Variants in BTBD9 observed in about 807,000 individuals in gnomAD.
BTBD9 encodes BTB/POZ domain-containing protein 9.
A neutral mutation model predicts 64.3 loss-of-function variants in BTBD9; 49 were observed. The ratio of observed to expected loss-of-function variants is 0.76; its 90% confidence interval spans 0.61 to 0.97. The LOEUF is 0.97. Ranked by LOEUF, BTBD9 falls within the 50% of genes least tolerant of loss-of-function variation. The pLI is 0.00. For synonymous variants in BTBD9, 260 were observed against 274.7 expected, an observed-to-expected ratio of 0.95 and a Z score of 0.53; for missense variants, 598 against 762.1, an observed-to-expected ratio of 0.78 and a Z score of 2.53.
chr6:38,527,263 C>CAAAAAAAAAAAAAAAAAA (rs55979438), intron 6 of BTBD9, among the ~76,000 whole-genome samples: 5 of 53,338 alleles, frequency 9.4e-5, no homozygotes, highest in African/African-American at 4.4e-4. Context: ...GACTCTGTCT[C>CAAAAAAAAAAAAAAAAAA]AAAAAAAAAA....
intron 6 of BTBD9, among the ~76,000 whole-genome samples, chr6:38,568,981 T>C (rs976659852): frequency 6.6e-6 from 1 of 152,216 alleles, no homozygotes; most frequent in Non-Finnish European, 1.5e-5. Flanking sequence ...GTATGTTCTC[T>C]GAGCTTAGGG....
At chr6:38,195,181 G>A (rs953835045) in intron 9 of BTBD9, among the ~76,000 whole-genome samples, 4 of 152,158 alleles carry the variant, frequency 2.6e-5, no homozygotes, top group African/African-American at 9.7e-5. Flanking sequence ...TGACAAGGTG[G>A]CACCAGAGTG....
At chr6:38,331,496 G>C (rs896393143) in intron 7 of BTBD9, among the ~76,000 whole-genome samples, 8 of 151,974 alleles carry the variant, frequency 5.3e-5, no homozygotes, top group Non-Finnish European at 1.0e-4. Flanking sequence ...AAAAAGAGGG[G>C]GGGCCAAGAA....
intron 4 of BTBD9, among the ~76,000 whole-genome samples, chr6:38,580,914 G>A (rs1018717812): frequency 1.4e-5 from 2 of 146,784 alleles, no homozygotes; most frequent in East Asian, 2.0e-4. Context: ...CTAAACAGGC[G>A]GGGTGCAGTG....
intron 10 of BTBD9, among the ~76,000 whole-genome samples, chr6:38,189,840 A>C (rs778943148): frequency 2.0e-5 from 3 of 151,942 alleles, no homozygotes; most frequent in Non-Finnish European, 4.4e-5. Flanking sequence ...TGTCCAGCTA[A>C]TTTTTGTATT....
chr6:38,212,238 C>T (rs1762858903), intron 9 of BTBD9, among the ~76,000 whole-genome samples: 1 of 152,172 alleles, frequency 6.6e-6, no homozygotes, highest in Admixed American at 6.5e-5. Flanking sequence ...ACTCCCATTC[C>T]TCAGCGATGG....
At position 38,192,880 on chromosome 6, in the gene BTBD9, A is replaced by C. The variant is rs1467507495; in HGVS notation, c.1563-283T>G. Reference sequence around the variant, plus strand: ...CAAAGCCCTCCATAAACAAGCACAAAGGGCAGACCAAGCTCATTACAACAA... The same window carrying C: ...CAAAGCCCTCCATAAACAAGCACAACGGGCAGACCAAGCTCATTACAACAA... On this transcript the variant is annotated intron_variant, in intron 9 of 10. Transcript: ENST00000481247. Among the ~76,000 whole-genome samples the C allele has an allele frequency of 2.4e-5, 3 of 125,238 alleles. 1 individual carries two copies. Among genetic ancestry groups the C allele is most frequent in the Non-Finnish European group, 4.8e-5 (3 of 62,636 alleles). The allele number at this position is 125,238 out of a possible 152,430, so 82.2% of individuals were successfully genotyped here.
intron 6 of BTBD9, among the ~76,000 whole-genome samples, chr6:38,360,493 G>C (rs1463254438): frequency 6.6e-6 from 1 of 152,010 alleles, no homozygotes; most frequent in East Asian, 1.9e-4. Context: ...ATACATATTA[G>C]TACATTCTGT....
intron 9 of BTBD9, among the ~76,000 whole-genome samples, chr6:38,207,948 C>T (rs2127497128): frequency 6.6e-6 from 1 of 152,102 alleles, no homozygotes; most frequent in East Asian, 1.9e-4. Flanking sequence ...GGTTTTACTT[C>T]ACTCTCAAAA....
At chr6:38,623,695 G>A (rs1222217880) in intron 1 of BTBD9, among the ~76,000 whole-genome samples, 1 of 152,202 alleles carries the variant, frequency 6.6e-6, no homozygotes, top group Non-Finnish European at 1.5e-5. Flanking sequence ...AGAGTTGGGC[G>A]ACATGGCTTC....
chr6:38,504,350 G>T (rs9380755), intron 6 of BTBD9: 246,064 of 294,794 alleles, frequency 0.83, 103,445 homozygotes, highest in East Asian at 1. Context: ...ACTGATGATG[G>T]GCTATTATTT....
intron 9 of BTBD9, among the ~76,000 whole-genome samples, chr6:38,219,293 C>G (rs1284744651): frequency 7.9e-6 from 1 of 126,752 alleles, no homozygotes; most frequent in African/African-American, 3.0e-5. Flanking sequence ...CGCCACCACA[C>G]CCAGCTAATT....
chr6:38,334,520 G>C (rs747798535), intron 7 of BTBD9, among the ~76,000 whole-genome samples: 38 of 151,880 alleles, frequency 2.5e-4, no homozygotes, highest in Non-Finnish European at 5.0e-4. Context: ...AGGTTGTAGT[G>C]GTTGCACCAC....
At chr6:38,570,311 G>C (rs1425268258) in intron 6 of BTBD9, among the ~76,000 whole-genome samples, 1 of 152,194 alleles carries the variant, frequency 6.6e-6, no homozygotes, top group Non-Finnish European at 1.5e-5. Context: ...CTAAGGTAGA[G>C]CTATTTCTTT....
rs1334381216 is a variant in BTBD9 at position 38,403,335 on chromosome 6, A to G, written c.1155-58242T>C. Among the ~76,000 whole-genome samples, 7 of 151,306 alleles carry G rather than the reference A, an allele frequency of 4.6e-5. No homozygotes were observed. In the East Asian group the frequency reaches 5.8e-4, roughly 12 times the overall value. On this transcript the variant is annotated intron_variant, in intron 6 of 10. Transcript: ENST00000481247. ...GGTTCTGGTAATTATATACATATGTATATCTTAAAACTCAACAATTTTAAA... is the reference window on the plus strand; with the variant it reads ...GGTTCTGGTAATTATATACATATGTGTATCTTAAAACTCAACAATTTTAAA...
intron 6 of BTBD9, among the ~76,000 whole-genome samples, chr6:38,412,173 TACAA>T (rs960930896): frequency 7.3e-5 from 11 of 151,086 alleles, no homozygotes; most frequent in African/African-American, 2.4e-4. Context: ...AACACAAAAG[TACAA>T]ACAAAAAACT....
At chr6:38,487,519 C>T (rs1335016884) in intron 6 of BTBD9, among the ~76,000 whole-genome samples, 1 of 151,430 alleles carries the variant, frequency 6.6e-6, no homozygotes, top group Non-Finnish European at 1.5e-5. Flanking sequence ...GAGGTCGAGG[C>T]TGCAGTGAGC....
intron 9 of BTBD9, among the ~76,000 whole-genome samples, chr6:38,246,455 C>T (rs1339049495): frequency 1.1e-4 from 16 of 148,674 alleles, no homozygotes. Context: ...GGCGCACGTG[C>T]ACGTACGTGT....
At chr6:38,531,908 C>T (rs1773817902) in intron 6 of BTBD9, among the ~76,000 whole-genome samples, 1 of 152,128 alleles carries the variant, frequency 6.6e-6, no homozygotes, top group Non-Finnish European at 1.5e-5. Flanking sequence ...CCACTGATTA[C>T]CCCCACTCCT....
Sources: gnomAD v4.1 joint callset for allele counts (sites outside exome capture counted in the v4.1 genomes callset) on GRCh38, gnomAD v4.1.1 for gene constraint, MANE v1.5 for transcripts, NCBI Gene and HGNC (gene_info 2026-07-23, HGNC 2026-07-21) for gene names.